ERBB4: variants seen among roughly 807,000 people sequenced by gnomAD.
ERBB4 encodes the protein erb-b2 receptor tyrosine kinase 4.
Under a neutral mutation model 158.0 loss-of-function variants are expected in ERBB4, and 42 were observed. The ratio of observed to expected loss-of-function variants is 0.27; its 90% CI spans 0.21 to 0.34. The LOEUF (loss-of-function observed/expected upper bound fraction) is 0.34, where lower values mean the gene tolerates loss of function less well. Ranked by LOEUF, ERBB4 falls within the 10% of genes least tolerant of loss-of-function variation. The pLI is 1.00. For synonymous variants in ERBB4, 583 were observed against 558.7 expected, an observed-to-expected ratio of 1.04 and a Z score of -0.61; for missense variants, 1,333 against 1,624.1, an observed-to-expected ratio of 0.82 and a Z score of 3.08.
chr2:212,411,958 C>A (rs1266332961), intron 1 of ERBB4, among the ~76,000 whole-genome samples: 3 of 149,856 alleles, frequency 2.0e-5, no homozygotes, highest in Non-Finnish European at 4.4e-5. Context: ...GGAAAGACTT[C>A]TTCTTCTTCT....
At chr2:212,405,981 G>A (rs1390900989) in intron 1 of ERBB4, among the ~76,000 whole-genome samples, 1 of 152,198 alleles carries the variant, frequency 6.6e-6, no homozygotes, top group East Asian at 1.9e-4. Flanking sequence ...CAGGAAACAT[G>A]AAGAAAACTG....
chr2:211,381,942 G>A lies in ERBB4; in HGVS notation c.*1673C>T, dbSNP rs551485522. On this transcript the variant is annotated 3_prime_UTR_variant, in exon 28 of 28. Transcript: ENST00000342788. ...CCCCTTTACTTGGAGACTCATCTCT[G>A]TCATTTGTTCTCATCCTTCATCTCA... 2 of 229,580 alleles carry A rather than the reference G, an allele frequency of 8.7e-6. No individual in the cohort carries two copies. Among genetic ancestry groups the A allele is most frequent in the African/African-American group, 4.4e-5 (2 of 45,230 alleles). 14.2% of individuals were successfully genotyped at this position (229,580 alleles called of 1,614,324 possible).
At chr2:211,825,023 G>A (rs1459382828) in intron 3 of ERBB4, among the ~76,000 whole-genome samples, 3 of 151,852 alleles carry the variant, frequency 2.0e-5, no homozygotes, top group African/African-American at 7.2e-5. Context: ...ATTGCATTAT[G>A]AATGACTGAT....
intron 25 of ERBB4, among the ~76,000 whole-genome samples, chr2:211,392,557 T>TA (rs1397053122): frequency 1.7e-3 from 175 of 101,364 alleles, no homozygotes; most frequent in African/African-American, 6.2e-3. Flanking sequence ...ACTCTCTTAC[T>TA]CCACACACAC....
intron 5 of ERBB4, among the ~76,000 whole-genome samples, chr2:211,740,432 G>A (rs2106180646): frequency 6.6e-6 from 1 of 151,982 alleles, no homozygotes; most frequent in East Asian, 1.9e-4. Context: ...CTTCAGAAAT[G>A]AAATCTTTAC....
At chr2:212,397,149 T>C (rs1193180236) in intron 1 of ERBB4, among the ~76,000 whole-genome samples, 2 of 152,084 alleles carry the variant, frequency 1.3e-5, no homozygotes, top group African/African-American at 4.8e-5. Context: ...TCCTGTAATA[T>C]AGTTATAAAA....
At chr2:211,970,234 T>C (rs567990024) in intron 2 of ERBB4, among the ~76,000 whole-genome samples, 30 of 152,324 alleles carry the variant, frequency 2.0e-4, no homozygotes, top group African/African-American at 7.0e-4. Flanking sequence ...CAAATTTGAT[T>C]GTGCTGTGGT....
rs2106081100 is a variant in ERBB4 at position 211,712,122 on chromosome 2, C to T, written c.1052G>A (p.Ser351Asn). The change falls in exon 9 of 28, where the codon AGT becomes AAT. Residue 351 changes from serine (S) to asparagine (N), a missense_variant. Around this residue, in one of 5 missense-constraint regions of ERBB4, gnomAD observed 438 missense variants for 586.9 expected, o/e 0.75. Transcript: ENST00000342788. Reference sequence around the variant, plus strand: ...ACAGTTTATGAATTTGTCAATGTTACTGGAATCCACAGTCTGAGCTGACAT... The same window carrying T: ...ACAGTTTATGAATTTGTCAATGTTATTGGAATCCACAGTCTGAGCTGACAT... ...SLMSAQTVDS[S>N]NIDKFINCTK... 6.2e-7 allele frequency: 1 copy of T among 1,612,644 alleles called. No homozygotes were observed. The highest frequency in any genetic ancestry group is 8.5e-7 in the Non-Finnish European group (1 of 1,178,758).
intron 1 of ERBB4, among the ~76,000 whole-genome samples, chr2:212,476,901 T>C (rs535977360): frequency 7.4e-4 from 112 of 152,256 alleles, no homozygotes; most frequent in Non-Finnish European, 1.1e-3. Context: ...TAGCAGTCTA[T>C]ATAGAATTAT....
chr2:211,566,705 C>G (rs1039202313), intron 19 of ERBB4, among the ~76,000 whole-genome samples: 1 of 151,836 alleles, frequency 6.6e-6, no homozygotes, highest in Non-Finnish European at 1.5e-5. Flanking sequence ...TATACACATA[C>G]CGACAAATCA....
chr2:212,178,593 C>A (rs1044756477), intron 1 of ERBB4, among the ~76,000 whole-genome samples: 1 of 151,582 alleles, frequency 6.6e-6, no homozygotes, highest in Non-Finnish European at 1.5e-5. Context: ...ACTCAAATAT[C>A]CCTAAGCTTC....
At chr2:212,415,455 C>T (rs987983804) in intron 1 of ERBB4, among the ~76,000 whole-genome samples, 24 of 152,052 alleles carry the variant, frequency 1.6e-4, no homozygotes, top group African/African-American at 5.3e-4. Context: ...ATGCTGTATA[C>T]CTGTATTTGC....
At chr2:211,948,590 T>G (rs1324837056) in intron 2 of ERBB4, among the ~76,000 whole-genome samples, 1 of 151,944 alleles carries the variant, frequency 6.6e-6, no homozygotes, top group Admixed American at 6.6e-5. Flanking sequence ...CAAAACAGTG[T>G]CATGAAGAAA....
In ERBB4 at chr2:212,493,479, T is replaced by A. The variant is rs534997072; in HGVS notation, c.82+44970A>T. Among the ~76,000 whole-genome samples, 36 of 151,694 alleles carry A rather than the reference T, an allele frequency of 2.4e-4. 1 individual carries two copies. The highest frequency in any genetic ancestry group is 1.5e-3 in the South Asian group (7 of 4,826). ...TTGCTAATATTGTTTATGTTTAAGC[T>A]TCATTACTCTGCAAATATAACAATT... is the stretch of plus-strand genomic sequence containing the variant. On this transcript the variant is annotated intron_variant, in intron 1 of 27. Coordinates refer to ENST00000342788, the MANE Select transcript of ERBB4 (RefSeq NM_005235.3).
intron 3 of ERBB4, among the ~76,000 whole-genome samples, chr2:211,935,606 AGGCCAGGTCACCAGCCTCCGAGGTGC>A (rs566612474): frequency 0.035 from 5,385 of 152,130 alleles, 133 homozygotes; most frequent in Middle Eastern, 0.088. Flanking sequence ...TCAAACTTGA[AGGCCAGGTCACCAGCCTCCGAGGTGC>A]TGAGCCAGGT....
Position 211,944,091 on chromosome 2 carries a change from A to ACACAC in ERBB4, c.421+3338_421+3339insGTGTG, listed in dbSNP as rs1400874770. Among the ~76,000 whole-genome samples, 864 of 134,130 alleles carry ACACAC rather than the reference A, an allele frequency of 6.4e-3. 9 individuals carry two copies. Among genetic ancestry groups the ACACAC allele is most frequent in the African/African-American group, 0.022 (689 of 31,782 alleles). The allele number at this position is 134,130 out of a possible 152,430, so 88.0% of individuals were successfully genotyped here. Reference sequence around the variant, plus strand: ...ATACACATGGTTACACTATATATATATATATACATGGTTACACTATATATA... The same window carrying ACACAC: ...ATACACATGGTTACACTATATATATACACACTATATACATGGTTACACTATATATA... On this transcript the variant is annotated intron_variant, in intron 3 of 27. Coordinates refer to ENST00000342788, the MANE Select transcript of ERBB4 (RefSeq NM_005235.3).
At chr2:211,460,114 C>T (rs2064491210) in intron 20 of ERBB4, among the ~76,000 whole-genome samples, 1 of 121,568 alleles carries the variant, frequency 8.2e-6, no homozygotes, top group Non-Finnish European at 1.9e-5. Context: ...GTCAGACTTT[C>T]AGGAATGCTT....
At chr2:212,423,321 ACAG>A (rs1465828103) in intron 1 of ERBB4, among the ~76,000 whole-genome samples, 1 of 152,226 alleles carries the variant, frequency 6.6e-6, no homozygotes, top group Non-Finnish European at 1.5e-5. Context: ...CTAAAAAGTG[ACAG>A]CAGAAGATGC....
intron 2 of ERBB4, among the ~76,000 whole-genome samples, chr2:212,036,260 T>C (rs1428119626): frequency 6.6e-6 from 1 of 152,084 alleles, no homozygotes; most frequent in Non-Finnish European, 1.5e-5. Flanking sequence ...CAAAACTTGA[T>C]TTAAAAAAAG....
Sources: allele counts gnomAD v4.1 joint callset (sites outside exome capture counted in the v4.1 genomes callset), GRCh38; gene constraint gnomAD v4.1.1; regional missense constraint gnomAD v4.1.1; transcripts MANE v1.5; gene names NCBI Gene and HGNC (gene_info 2026-07-23, HGNC 2026-07-21).